Variants in UHRF1 observed in about 807,000 individuals in gnomAD.
The protein encoded by UHRF1 is ubiquitin like with PHD and ring finger domains 1, also known as E3 ubiquitin-protein ligase UHRF1.
In UHRF1, 9 loss-of-function variants were observed where a neutral mutation model predicts 96.5. That is an observed-to-expected ratio of 0.09 (90% CI 0.06 to 0.16). The LOEUF is 0.16. Among genes scored for constraint, UHRF1 ranks in the 10% least tolerant of loss-of-function variants. UHRF1 has a pLI of 1.00. For missense variants in UHRF1, 626 were observed against 1,131.1 expected, an observed-to-expected ratio of 0.55 and a Z score of 6.40; for synonymous variants, 455 against 469.9, an observed-to-expected ratio of 0.97 and a Z score of 0.41.
rs567696012 is a variant in UHRF1, at chr19:4,937,396, C to G, written c.786-4132C>G. Among the ~76,000 whole-genome samples the G allele has an allele frequency of 1.3e-3, 200 of 149,620 alleles. 2 individuals are homozygous for G. The highest frequency in any genetic ancestry group is 4.6e-3 in the African/African-American group (188 of 40,592). ...TATTTTTTTGAGACACAGTCTTGCT[C>G]TGTTTCCCAGGCTGGAGTGCGGTGA... On this transcript the variant is annotated intron_variant, in intron 5 of 16. Transcript: ENST00000650932.
chr19:4,929,329 C>T lies in UHRF1; in HGVS notation c.261C>T (p.Asp87=), dbSNP rs113682479. 7.9e-4 allele frequency: 1,282 copies of T among 1,613,698 alleles called. 9 individuals carry two copies. The African/African-American group carries it at 0.015, about 19-fold the overall frequency. Residue 87 remains aspartate, a synonymous_variant, in exon 3 of 17, where the codon GAC becomes GAT. Coordinates refer to ENST00000650932, the MANE Select transcript of UHRF1 (RefSeq NM_001048201.3). ...LVLPHSTKER[D]SELSDTDSGC... is the part of the protein sequence containing the mutation. The stretch of plus-strand genomic sequence containing the variant: ...TCCCCCACAGCACCAAGGAGCGGGA[C>T]TCCGAGCTCTCCGACACCGACTCCG...
At chr19:4,959,946 C>T (rs534611867) in intron 16 of UHRF1, among the ~76,000 whole-genome samples, 10 of 152,328 alleles carry the variant, frequency 6.6e-5, no homozygotes, top group South Asian at 2.1e-4. Flanking sequence ...CTGCAACCTC[C>T]GCCTCCCGGG....
At position 4,930,931 on chromosome 19, in the gene UHRF1, T is replaced by C; in HGVS notation, c.569+55T>C. On this transcript the variant is annotated intron_variant, in intron 4 of 16. Coordinates refer to ENST00000650932, the MANE Select transcript of UHRF1 (RefSeq NM_001048201.3). This position sits in a 1 kb window ranked among gnomAD's most constrained non-coding sequence, Gnocchi z 4.4. Reference sequence around the variant, plus strand: ...TATTCAGGCTCTGTGACGCGCATCCTTGGCTGCGGGTGTTCAGGCCAGAGC... The same window carrying C: ...TATTCAGGCTCTGTGACGCGCATCCCTGGCTGCGGGTGTTCAGGCCAGAGC... 6.3e-7 allele frequency: 1 copy of C among 1,599,382 alleles called. No individual in the cohort carries two copies. Among genetic ancestry groups the C allele is most frequent in the Non-Finnish European group, 8.5e-7 (1 of 1,169,906 alleles).
At chr19:4,904,448 G>A (rs1026265549) in intron 1 of UHRF1, among the ~76,000 whole-genome samples, 1 of 152,128 alleles carries the variant, frequency 6.6e-6, no homozygotes, top group Non-Finnish European at 1.5e-5. Context: ...CAAAGTGCTG[G>A]GATTACAGGC....
At position 4,932,725 on chromosome 19, in the gene UHRF1, C is replaced by CG. The variant is rs1568418111; in HGVS notation, c.570-13dup. The CG allele has an allele frequency of 1.2e-6, 2 of 1,612,976 alleles. No homozygotes were observed. The highest frequency in any genetic ancestry group is 1.7e-6 in the Non-Finnish European group (2 of 1,179,352). ...TGGTCTTAGCACGGGGTCTAAGGCC[C>CG]GGGCTTTCCTCCCAGCTACCCGGAG... On this transcript the variant is annotated splice_polypyrimidine_tract_variant and intron_variant, in intron 4 of 16. Transcript: ENST00000650932.
At chr19:4,924,307 G>T (rs934212348) in intron 2 of UHRF1, among the ~76,000 whole-genome samples, 1 of 152,174 alleles carries the variant, frequency 6.6e-6, no homozygotes, top group South Asian at 2.1e-4. Context: ...CCGCCACCAC[G>T]CCTGGCTAAT....
chr19:4,903,866 T>A lies in UHRF1; in HGVS notation c.-11+221T>A, dbSNP rs1401612547. On this transcript the variant is annotated intron_variant, in intron 1 of 16. Transcript: ENST00000612630. ...ATATTGGTCTATATTGGAAAAAACATAGAGATATGGCCAGGACCTGAAATC... is the reference window on the plus strand; with the variant it reads ...ATATTGGTCTATATTGGAAAAAACAAAGAGATATGGCCAGGACCTGAAATC... Among the ~76,000 whole-genome samples the A allele has an allele frequency of 1.3e-5, 2 of 152,192 alleles. 1 individual carries two copies. The highest frequency in any genetic ancestry group is 4.1e-4 in the South Asian group (2 of 4,830).
At position 4,944,258 on chromosome 19, in the gene UHRF1, G is replaced by T; in HGVS notation, c.1197+3G>T. ...CCTCACAGCGGGACTGGGGCAAGGT[G>T]AGGCGGGTCCTTCCCACGTGCCCGT... On this transcript the variant is annotated splice_donor_region_variant and intron_variant, in intron 8 of 16. Coordinates refer to ENST00000650932, the MANE Select transcript of UHRF1 (RefSeq NM_001048201.3). 1 of 1,614,034 alleles carries T rather than the reference G, an allele frequency of 6.2e-7. No individual in the cohort carries two copies.
Position 4,930,837 on chromosome 19 carries a change from C to G in UHRF1, c.530C>G (p.Ala177Gly). The G allele has an allele frequency of 1.2e-6, 2 of 1,613,938 alleles. No homozygotes were observed. Among genetic ancestry groups the G allele is most frequent in the Non-Finnish European group, 1.7e-6 (2 of 1,179,874 alleles). ...DEPCSSTSRP[A>G]LEEDVIYHVK... The stretch of plus-strand genomic sequence containing the variant: ...CCCTGCAGCTCCACGTCCAGGCCGG[C>G]GCTGGAGGAGGACGTCATTTACCAC... Residue 177 changes from alanine (A) to glycine (G), a missense_variant, in exon 4 of 17, where the codon GCG becomes GGG. By Grantham distance (60) the Ala-to-Gly change is moderately conservative. This residue lies in a region of UHRF1 where 198 missense variants were observed against 235.1 expected (regional missense o/e 0.84). Transcript: ENST00000650932. The surrounding 1 kb of genome is among the most constrained non-coding windows in gnomAD (Gnocchi z 4.4).
chr19:4,947,310 G>A, intron 11 of UHRF1, 99 bp downstream of exon 11: 2 of 1,096,724 alleles, frequency 1.8e-6, no homozygotes, highest in Non-Finnish European at 2.8e-6. Context: ...GTCTCATTAG[G>A]AGCGTGGTAG....
At chr19:4,904,902 T>A (rs183429752), upstream of UHRF1, among the ~76,000 whole-genome samples, 3 of 152,138 alleles carry the variant, frequency 2.0e-5, no homozygotes, top group Non-Finnish European at 4.4e-5. Flanking sequence ...GGGAGGGACA[T>A]TGAATCATAG....
At chr19:4,942,450 A>C (rs553608768) in intron 7 of UHRF1, among the ~76,000 whole-genome samples, 4 of 151,450 alleles carry the variant, frequency 2.6e-5, no homozygotes, top group Admixed American at 2.6e-4. Flanking sequence ...TCGGCCTCCC[A>C]AAGTGCTGGG....
chr19:4,940,310 G>A (rs972446227), intron 5 of UHRF1, among the ~76,000 whole-genome samples: 1 of 149,410 alleles, frequency 6.7e-6, no homozygotes, highest in Non-Finnish European at 1.5e-5. Flanking sequence ...TCACTCACAG[G>A]AGTTCTTGTA....
chr19:4,927,556 C>A (rs17882989), intron 2 of UHRF1, among the ~76,000 whole-genome samples: 61 of 152,206 alleles, frequency 4.0e-4, no homozygotes, highest in Admixed American at 3.0e-3. Flanking sequence ...CCCCAAGGGG[C>A]GAAAGGAGGA....
intron 2 of UHRF1, among the ~76,000 whole-genome samples, chr19:4,917,847 A>G (rs1479763767): frequency 6.6e-6 from 1 of 151,560 alleles, no homozygotes; most frequent in Admixed American, 6.6e-5. Context: ...AATTGAAAAA[A>G]CTTTTTTGCA....
upstream of UHRF1, among the ~76,000 whole-genome samples, chr19:4,905,450 A>T (rs368429644): frequency 6.5e-5 from 9 of 139,320 alleles, no homozygotes; most frequent in East Asian, 2.2e-4. Context: ...ACATTATGAG[A>T]TTTTTTTGCA....
chr19:4,958,477 A>C (rs1599306446), intron 16 of UHRF1, among the ~76,000 whole-genome samples: 1 of 152,114 alleles, frequency 6.6e-6, no homozygotes, highest in South Asian at 2.1e-4. Flanking sequence ...TGGCGGTAGG[A>C]AGGACTGTGG....
chr19:4,955,429 G>A (rs1233821973), intron 15 of UHRF1, among the ~76,000 whole-genome samples: 1 of 152,020 alleles, frequency 6.6e-6, no homozygotes, highest in Non-Finnish European at 1.5e-5. Context: ...GAGGACCTCG[G>A]GGTGACATCA....
rs372222473 is a variant in UHRF1 at position 4,932,746 on chromosome 19, C to G, written c.575C>G (p.Pro192Arg). ...VIYHVKYDDY[P>R]ENGVVQMNSR... Reference sequence around the variant, plus strand: ...GGCCCGGGCTTTCCTCCCAGCTACCCGGAGAACGGCGTGGTCCAGATGAAC... The same window carrying G: ...GGCCCGGGCTTTCCTCCCAGCTACCGGGAGAACGGCGTGGTCCAGATGAAC... The change falls in exon 5 of 17, where the codon CCG (proline) becomes CGG (arginine). Residue 192 changes from proline to arginine, a missense_variant. By Grantham distance (103) the Pro-to-Arg change is moderately radical. Around this residue, in one of 11 missense-constraint regions of UHRF1, gnomAD observed 198 missense variants for 235.1 expected, o/e 0.84. Transcript: ENST00000650932. 1 of 1,613,698 alleles carries G rather than the reference C, an allele frequency of 6.2e-7. No homozygotes were observed. Among genetic ancestry groups the G allele is most frequent in the Non-Finnish European group, 8.5e-7 (1 of 1,179,774 alleles).
Sources: gnomAD v4.1 joint callset for allele counts (sites outside exome capture counted in the v4.1 genomes callset) on GRCh38, gnomAD v4.1.1 for gene constraint, gnomAD v4.1.1 regional missense constraint, Gnocchi (gnomAD v3.1) non-coding constraint, MANE v1.5 for transcripts, NCBI Gene and HGNC (gene_info 2026-07-23, HGNC 2026-07-21) for gene names.